Variants in RAB7B observed in about 807,000 individuals in gnomAD.
RAB7B encodes the protein ras-related protein Rab-7b.
intron 5 of RAB7B, among the ~76,000 whole-genome samples, chr1:205,980,042 C>T (rs1274727793): frequency 2.0e-5 from 3 of 152,242 alleles, no homozygotes; most frequent in Admixed American, 6.5e-5. Context: ...ATGGTGGTGC[C>T]CCCAAATACA....
intron 1 of RAB7B, among the ~76,000 whole-genome samples, chr1:205,997,033 A>G (rs1660820904): frequency 3.3e-5 from 5 of 152,216 alleles, no homozygotes. Context: ...AAACCATATC[A>G]TAGACCAAAG....
At chr1:205,999,226 G>A (rs1660854290) in intron 1 of RAB7B, among the ~76,000 whole-genome samples, 4 of 152,170 alleles carry the variant, frequency 2.6e-5, no homozygotes, top group African/African-American at 7.2e-5. Context: ...AAGGTAGAAG[G>A]TGTGTGTGAG....
At chr1:205,998,305 G>A (rs1192732608) in intron 1 of RAB7B, among the ~76,000 whole-genome samples, 5 of 152,180 alleles carry the variant, frequency 3.3e-5, no homozygotes, top group African/African-American at 1.2e-4. Context: ...GCAGTGAGCC[G>A]AGATCATGCC....
At chr1:205,992,379 A>C in intron 4 of RAB7B, 101 bp downstream of exon 4, 1 of 397,842 alleles carries the variant, frequency 2.5e-6, no homozygotes, top group Non-Finnish European at 4.4e-6. Flanking sequence ...AGTAAGGACT[A>C]TGCCTGATTC....
intron 5 of RAB7B, among the ~76,000 whole-genome samples, chr1:205,984,612 C>G (rs1256180623): frequency 2.0e-5 from 3 of 152,140 alleles, no homozygotes; most frequent in Non-Finnish European, 2.9e-5. Flanking sequence ...ACGTTAAAAC[C>G]ACGCCACTGC....
At chr1:205,989,498 C>T (rs1660680573) in intron 4 of RAB7B, among the ~76,000 whole-genome samples, 1 of 152,088 alleles carries the variant, frequency 6.6e-6, no homozygotes, top group South Asian at 2.1e-4. Context: ...ACGCAGCCGC[C>T]ACCTCTCATG....
chr1:205,985,227 C>T (rs1660568401), intron 5 of RAB7B, among the ~76,000 whole-genome samples: 1 of 152,164 alleles, frequency 6.6e-6, no homozygotes, highest in Non-Finnish European at 1.5e-5. Flanking sequence ...CTTCTCAAAC[C>T]CTTCCTCGTT....
intron 5 of RAB7B, among the ~76,000 whole-genome samples, chr1:205,979,495 C>G (rs1327367026): frequency 2.6e-5 from 4 of 152,170 alleles, no homozygotes; most frequent in African/African-American, 9.7e-5. Context: ...CCTTCTCGGT[C>G]TGCCAAGCTT....
intron 1 of RAB7B, among the ~76,000 whole-genome samples, chr1:206,000,076 G>A (rs1392340366): frequency 6.6e-6 from 1 of 152,168 alleles, no homozygotes; most frequent in Non-Finnish European, 1.5e-5. Context: ...GCCTGGCCAA[G>A]GGCAGTTTTA....
At chr1:205,997,757 AG>A (rs1660827765) in intron 1 of RAB7B, among the ~76,000 whole-genome samples, 1 of 152,216 alleles carries the variant, frequency 6.6e-6, no homozygotes, top group Non-Finnish European at 1.5e-5. Context: ...TCACTTTGGA[AG>A]GGTCCTAGGA....
intron 4 of RAB7B, among the ~76,000 whole-genome samples, chr1:205,986,376 CTG>C (rs1188937387): frequency 2.1e-4 from 32 of 152,362 alleles, no homozygotes; most frequent in Middle Eastern, 3.4e-3. Flanking sequence ...GACAAAAACA[CTG>C]AGGTTCAGAG....
At chr1:205,995,382 C>T (rs1320882713) in intron 1 of RAB7B, among the ~76,000 whole-genome samples, 1 of 152,090 alleles carries the variant, frequency 6.6e-6, no homozygotes, top group African/African-American at 2.4e-5. Context: ...TCCAGCAATT[C>T]CACTACAGGA....
intron 5 of RAB7B, among the ~76,000 whole-genome samples, chr1:205,982,582 A>G (rs1176476681): frequency 6.6e-6 from 1 of 152,206 alleles, no homozygotes; most frequent in Non-Finnish European, 1.5e-5. Flanking sequence ...AGATATTATT[A>G]TCTGTACTTT....
intron 5 of RAB7B, among the ~76,000 whole-genome samples, chr1:205,983,350 T>C (rs1007861294): frequency 0.97 from 147,937 of 152,216 alleles, 72,032 homozygotes; most frequent in East Asian, 1. Context: ...CCTTCCAAAC[T>C]TTCTGACATG....
chr1:205,985,074 C>T (rs1445487154), intron 5 of RAB7B, among the ~76,000 whole-genome samples: 1 of 152,238 alleles, frequency 6.6e-6, no homozygotes, highest in Non-Finnish European at 1.5e-5. Context: ...ACACTCAACA[C>T]ATTCTTGCCG....
chr1:205,988,141 C>T (rs1017046201), intron 4 of RAB7B, among the ~76,000 whole-genome samples: 3 of 151,722 alleles, frequency 2.0e-5, no homozygotes, highest in African/African-American at 7.3e-5. Context: ...ATTTTCTCAC[C>T]TTCCTAAACT....
At chr1:205,992,383 C>T (rs1300642584) in intron 4 of RAB7B, 97 bp downstream of exon 4, 1 of 397,686 alleles carries the variant, frequency 2.5e-6, no homozygotes, top group Non-Finnish European at 4.4e-6. Flanking sequence ...AGGACTATGC[C>T]TGATTCAGCT....
chr1:205,986,352 A>T (rs1400782285), intron 4 of RAB7B, among the ~76,000 whole-genome samples: 4 of 152,238 alleles, frequency 2.6e-5, no homozygotes, highest in Admixed American at 2.6e-4. Flanking sequence ...AGGCATTATC[A>T]GTTCCACTTT....
At chr1:205,997,202 A>G (rs1192383219) in intron 1 of RAB7B, among the ~76,000 whole-genome samples, 1 of 152,212 alleles carries the variant, frequency 6.6e-6, no homozygotes, top group African/African-American at 2.4e-5. Flanking sequence ...TGCCTACCAC[A>G]TGCAAAGCCT....
Sources: gnomAD v4.1 joint callset for allele counts (sites outside exome capture counted in the v4.1 genomes callset) on GRCh38, gnomAD v4.1.1 for gene constraint, MANE v1.5 for transcripts, NCBI Gene and HGNC (gene_info 2026-07-23, HGNC 2026-07-21) for gene names.